The following PLAC9 variants were observed in gnomAD, a reference collection of about 807,000 sequenced individuals.
The protein encoded by PLAC9 is placenta associated 9, also known as placenta-specific protein 9.
In PLAC9, 12 loss-of-function variants were observed where a neutral mutation model predicts 11.5. The observed-to-expected ratio is 1.05, with a 90% confidence interval of 0.67 to 1.69. PLAC9 has a LOEUF of 1.69. Among genes scored for constraint, PLAC9 ranks in the 40% most tolerant of loss-of-function variants. PLAC9 has a pLI of 0.00. For synonymous variants in PLAC9, 62 were observed against 58.1 expected (o/e 1.07, Z -0.31); for missense variants, 132 against 130.5 (o/e 1.01, Z -0.06).
chr10:80,145,086 C>T lies in PLAC9; in HGVS notation c.*176C>T, dbSNP rs771637992. 7.1e-6 allele frequency: 6 copies of T among 843,190 alleles called. No homozygotes were observed. Among genetic ancestry groups the T allele is most frequent in the South Asian group, 5.8e-5 (4 of 69,096 alleles). The allele number at this position is 843,190 out of a possible 1,614,324, so 52.2% of individuals were successfully genotyped here. ...TTAACTACAGCCTCCTCTCACTCCA[C>T]TTCCATGCCTGGAGGAAGCCTGCAA... On this transcript the variant is annotated 3_prime_UTR_variant, in exon 4 of 4. Transcript: ENST00000372263.
chr10:80,138,989 T>C (rs1845009275), intron 1 of PLAC9, among the ~76,000 whole-genome samples: 1 of 147,612 alleles, frequency 6.8e-6, no homozygotes, highest in Non-Finnish European at 1.5e-5. Context: ...TCTAGCTCTG[T>C]CACCCAGGCT....
In PLAC9 at chr10:80,144,267, C is replaced by A. The variant is rs748760061; in HGVS notation, c.207C>A (p.Gly69=). Residue 69 remains glycine (G), a synonymous_variant, in exon 3 of 4, where the codon GGC becomes GGA. Coordinates refer to ENST00000372263, the MANE Select transcript of PLAC9 (RefSeq NM_001012973.3). ...ATCACCTGGGGACAGAGGTGAAAGG[C>A]CTGCTGGGCCTGCTGGAGGAGCTGG... ...TVDHLGTEVK[G]LLGLLEELAW... is the part of the protein sequence containing the mutation. The A allele has an allele frequency of 1.1e-5, 18 of 1,613,866 alleles. No homozygotes were observed. The African/African-American group carries it at 2.4e-4, about 22-fold the overall frequency.
At chr10:80,143,755 T>C (rs1433467539) in intron 2 of PLAC9, among the ~76,000 whole-genome samples, 1 of 152,192 alleles carries the variant, frequency 6.6e-6, no homozygotes, top group African/African-American at 2.4e-5. Flanking sequence ...TATGTTTTAT[T>C]TTTTGCATTT....
chr10:80,136,780 T>C (rs537453094), intron 1 of PLAC9, among the ~76,000 whole-genome samples: 18 of 152,238 alleles, frequency 1.2e-4, no homozygotes, highest in African/African-American at 3.9e-4. Context: ...CCTAAAGCTC[T>C]GGGATTACAG....
intron 1 of PLAC9, among the ~76,000 whole-genome samples, chr10:80,139,137 A>G (rs1249173034): frequency 2.6e-5 from 4 of 151,928 alleles, no homozygotes; most frequent in Admixed American, 2.0e-4. Flanking sequence ...TATTTTTAGT[A>G]GAGACGGGGT....
chr10:80,143,060 GAC>G (rs1845059338), intron 2 of PLAC9, among the ~76,000 whole-genome samples: 1 of 129,476 alleles, frequency 7.7e-6, no homozygotes, highest in Non-Finnish European at 1.7e-5. Context: ...ATTTTTTTTT[GAC>G]AGAGTCTTGC....
chr10:80,144,780 G>C, intron 3 of PLAC9, 120 bp from the exon 4 acceptor site: 1 of 1,022,908 alleles, frequency 9.8e-7, no homozygotes, highest in Non-Finnish European at 1.4e-6. Context: ...TGATCCTTGT[G>C]TCCCGCGCGC....
intron 1 of PLAC9, among the ~76,000 whole-genome samples, chr10:80,135,223 T>C (rs1413047576): frequency 2.6e-5 from 4 of 151,874 alleles, no homozygotes; most frequent in South Asian, 2.1e-4. Flanking sequence ...GAGGTTTCAC[T>C]GTGTTAGCCA....
At chr10:80,140,952 T>C (rs1314557571) in intron 1 of PLAC9, among the ~76,000 whole-genome samples, 2 of 152,100 alleles carry the variant, frequency 1.3e-5, no homozygotes, top group Non-Finnish European at 2.9e-5. Flanking sequence ...TGCTTATGAG[T>C]AGTGACTTTG....
At chr10:80,138,506 A>G (rs1845003457) in intron 1 of PLAC9, among the ~76,000 whole-genome samples, 1 of 152,222 alleles carries the variant, frequency 6.6e-6, no homozygotes, top group African/African-American at 2.4e-5. Flanking sequence ...TCTCCACAAA[A>G]GATGCTCAGA....
At chr10:80,133,642 C>T (rs967691180) in intron 1 of PLAC9, among the ~76,000 whole-genome samples, 4 of 152,132 alleles carry the variant, frequency 2.6e-5, no homozygotes, top group Non-Finnish European at 5.9e-5. Flanking sequence ...AGGAGAGAGG[C>T]TGTCTGGGTA....
chr10:80,133,231 G>C (rs1844933640), intron 1 of PLAC9, among the ~76,000 whole-genome samples: 1 of 152,168 alleles, frequency 6.6e-6, no homozygotes, highest in African/African-American at 2.4e-5. Context: ...AAAGATTTGA[G>C]AGAGACCAAA....
intron 1 of PLAC9, among the ~76,000 whole-genome samples, chr10:80,134,009 A>C (rs1184619851): frequency 6.6e-6 from 1 of 151,850 alleles, no homozygotes; most frequent in Non-Finnish European, 1.5e-5. Flanking sequence ...TTTCACACTG[A>C]TTTCATATAT....
chr10:80,138,778 C>G (rs1472022389), intron 1 of PLAC9, among the ~76,000 whole-genome samples: 1 of 152,098 alleles, frequency 6.6e-6, no homozygotes, highest in Non-Finnish European at 1.5e-5. Context: ...TGCAGATGGC[C>G]CCTTGGCCAA....
Position 80,143,198 on chromosome 10 carries a change from C to A in PLAC9, c.162+1019C>A, listed in dbSNP as rs183905287. Among the ~76,000 whole-genome samples, 778 of 151,196 alleles carry A rather than the reference C, an allele frequency of 5.1e-3. 7 individuals are homozygous for A. Among genetic ancestry groups the A allele is most frequent in the African/African-American group, 0.018 (730 of 41,138 alleles). ...GGACTACAGGCATGCACCACCATGC[C>A]CAGCTAATTTTTTGTACTTACCATG... On this transcript the variant is annotated intron_variant, in intron 2 of 3. Coordinates refer to ENST00000372263, the MANE Select transcript of PLAC9 (RefSeq NM_001012973.3).
rs115786338 is a variant in PLAC9 at position 80,144,308 on chromosome 10, C to T, written c.248C>T (p.Pro83Leu). Residue 83 changes from proline to leucine, a missense_variant, in exon 3 of 4, where the codon CCG becomes CTG. Coordinates refer to ENST00000372263, the MANE Select transcript of PLAC9 (RefSeq NM_001012973.3). ...GAGGAGCTGGCCTGGAACCTGCCCC[C>T]GGGACCCTTCAGCCCCGCTCCCGAC... ...LLEELAWNLP[P>L]GPFSPAPDLL... The T allele has an allele frequency of 8.6e-4, 1,394 of 1,611,774 alleles. 8 individuals carry two copies. The African/African-American group carries it at 0.015, about 18-fold the overall frequency.
intron 1 of PLAC9, among the ~76,000 whole-genome samples, chr10:80,138,795 C>T (rs1200621292): frequency 6.6e-6 from 1 of 152,172 alleles, no homozygotes; most frequent in Non-Finnish European, 1.5e-5. Flanking sequence ...CCAACCCATC[C>T]AATACCAAGG....
At chr10:80,132,610 T>A, upstream of PLAC9, 1 of 545,490 alleles carries the variant, frequency 1.8e-6, no homozygotes, top group African/African-American at 2.0e-5. Flanking sequence ...CCGAGGGGCC[T>A]CTGGAGGGGG....
intron 1 of PLAC9, among the ~76,000 whole-genome samples, chr10:80,134,636 A>G (rs1193119372): frequency 6.6e-6 from 1 of 152,114 alleles, no homozygotes; most frequent in African/African-American, 2.4e-5. Context: ...AATAAACATA[A>G]CTGCAATGCT....
Sources: gnomAD v4.1 joint callset for allele counts (sites outside exome capture counted in the v4.1 genomes callset) on GRCh38, gnomAD v4.1.1 for gene constraint, MANE v1.5 for transcripts, NCBI Gene and HGNC (gene_info 2026-07-23, HGNC 2026-07-21) for gene names.